The following SENP6 variants were observed in gnomAD, a reference collection of about 807,000 sequenced individuals.
SENP6 encodes sentrin-specific protease 6.
A neutral mutation model predicts 134.5 loss-of-function variants in SENP6; 41 were observed. The observed-to-expected ratio is 0.30, with a 90% CI of 0.24 to 0.40. SENP6 has a LOEUF of 0.40. Ranked by LOEUF, SENP6 falls within the 10% of genes least tolerant of loss-of-function variation. The pLI, the probability that SENP6 is intolerant of heterozygous loss-of-function variation, is 1.00. For missense variants in SENP6, 1,248 were observed against 1,312.5 expected, an observed-to-expected ratio of 0.95 and a Z score of 0.76; for synonymous variants, 395 against 429.8, an observed-to-expected ratio of 0.92 and a Z score of 1.00.
At chr6:75,622,602 G>T (rs1768360707) in intron 2 of SENP6, 3 of 343,384 alleles carry the variant, frequency 8.7e-6, no homozygotes, top group Non-Finnish European at 1.7e-5. Flanking sequence ...TTAGTTTTTT[G>T]ATTTATTGAT....
At chr6:75,639,560 C>T (rs969605022) in intron 5 of SENP6, among the ~76,000 whole-genome samples, 16 of 151,926 alleles carry the variant, frequency 1.1e-4, no homozygotes. Context: ...CAGTTAGTTC[C>T]AAATATTTCA....
intron 3 of SENP6, among the ~76,000 whole-genome samples, chr6:75,633,267 A>AG (rs1482352844): frequency 6.6e-6 from 1 of 152,206 alleles, no homozygotes; most frequent in Non-Finnish European, 1.5e-5. Context: ...CCTGATAAGC[A>AG]GGGGAAATGC....
Position 75,688,477 on chromosome 6 carries a change from G to A in SENP6, c.2076-7327G>A, listed in dbSNP as rs144365000. Among the ~76,000 whole-genome samples, 647 of 152,250 alleles carry A rather than the reference G, an allele frequency of 4.2e-3. 3 individuals are homozygous for A. The highest frequency in any genetic ancestry group is 0.015 in the African/African-American group (618 of 41,540). On this transcript the variant is annotated intron_variant, in intron 16 of 23. Coordinates refer to ENST00000447266, the MANE Select transcript of SENP6 (RefSeq NM_015571.4). ...GCAGAAATCACCCATCTTCTGCATCGGTCATGCTGAGAGCTGCAGACCGGA... is the reference window on the plus strand; with the variant it reads ...GCAGAAATCACCCATCTTCTGCATCAGTCATGCTGAGAGCTGCAGACCGGA...
intron 11 of SENP6, among the ~76,000 whole-genome samples, chr6:75,673,839 G>A (rs569057249): frequency 3.3e-5 from 5 of 151,816 alleles, no homozygotes; most frequent in East Asian, 3.9e-4. Context: ...TGGTCAACAT[G>A]GTAAAACCCC....
At chr6:75,655,582 T>C (rs1235104658) in intron 7 of SENP6, among the ~76,000 whole-genome samples, 2 of 152,220 alleles carry the variant, frequency 1.3e-5, no homozygotes, top group African/African-American at 4.8e-5. Context: ...TGAGGCTTCT[T>C]TCATTCAGGA....
chr6:75,707,889 A>G (rs1775510696), intron 19 of SENP6, among the ~76,000 whole-genome samples: 3 of 151,514 alleles, frequency 2.0e-5, no homozygotes, highest in South Asian at 2.1e-4. Context: ...GGGTCTCACT[A>G]TGTTGCCCAG....
At chr6:75,687,076 T>C (rs1773894535) in intron 16 of SENP6, among the ~76,000 whole-genome samples, 1 of 152,234 alleles carries the variant, frequency 6.6e-6, no homozygotes, top group Non-Finnish European at 1.5e-5. Context: ...CCCATATTTC[T>C]TGGAGGCTTT....
chr6:75,645,080 A>G (rs540447231), intron 6 of SENP6, among the ~76,000 whole-genome samples: 41 of 152,310 alleles, frequency 2.7e-4, no homozygotes, highest in African/African-American at 8.7e-4. Flanking sequence ...AACAGCTTGT[A>G]AAAATCTTGG....
At chr6:75,709,323 T>C (rs1404644292) in intron 19 of SENP6, among the ~76,000 whole-genome samples, 1 of 152,196 alleles carries the variant, frequency 6.6e-6, no homozygotes, top group Admixed American at 6.5e-5. Context: ...TTTTAGCATC[T>C]GGGTAGTGGA....
intron 1 of SENP6, among the ~76,000 whole-genome samples, chr6:75,609,336 T>A (rs1382108959): frequency 6.6e-6 from 1 of 152,242 alleles, no homozygotes; most frequent in Non-Finnish European, 1.5e-5. Context: ...TATTTATTGA[T>A]GAAGCAGCAC....
chr6:75,680,532 A>C (rs989420561), intron 16 of SENP6, among the ~76,000 whole-genome samples: 3 of 152,206 alleles, frequency 2.0e-5, no homozygotes, highest in African/African-American at 7.2e-5. Flanking sequence ...CCCATGAATA[A>C]TTTCCAAAGC....
chr6:75,681,122 G>C (rs1001304223), intron 16 of SENP6, among the ~76,000 whole-genome samples: 3 of 152,196 alleles, frequency 2.0e-5, no homozygotes, highest in Non-Finnish European at 4.4e-5. Context: ...GTTGAGGTTT[G>C]TGTCCCCGCC....
chr6:75,606,375 T>G (rs1767027742), intron 1 of SENP6, among the ~76,000 whole-genome samples: 1 of 152,208 alleles, frequency 6.6e-6, no homozygotes, highest in African/African-American at 2.4e-5. Flanking sequence ...CTGTTGCTCA[T>G]AACCCCTTTT....
rs138500793 is a variant in SENP6, at chr6:75,633,607, T to C, written c.234T>C (p.Ala78=). ...TAAATCGTCGATCTGAAATTGTTGC[T>C]AATAGCTCTGGTGAATTCATCTTGA... ...KKLNRRSEIV[A]NSSGEFILKT... The change falls in exon 4 of 24, where the codon GCT becomes GCC. Residue 78 remains alanine (A), a synonymous_variant. Transcript: ENST00000447266. The C allele has an allele frequency of 1.2e-5, 19 of 1,600,942 alleles. No individual in the cohort carries two copies. Among genetic ancestry groups the C allele is most frequent in the East Asian group, 9.0e-5 (4 of 44,646 alleles).
Position 75,695,872 on chromosome 6 carries a change from A to G in SENP6, c.2144A>G (p.Tyr715Cys). 4 of 1,607,816 alleles carry G rather than the reference A, an allele frequency of 2.5e-6. No homozygotes were observed. The highest frequency in any genetic ancestry group is 2.5e-6 in the Non-Finnish European group (3 of 1,177,458). The change falls in exon 17 of 24, where the codon TAT (tyrosine) becomes TGT (cysteine). Residue 715 changes from tyrosine to cysteine, a missense_variant. Transcript: ENST00000447266. ...ATTCATATATTCAGTTCTTTTTTCT[A>G]TAAACGCCTTAATCAGAGAGAGAGG... ...DRIHIFSSFF[Y>C]KRLNQRERRN... is the part of the protein sequence containing the mutation.
At chr6:75,642,506 G>A (rs929372691) in intron 6 of SENP6, among the ~76,000 whole-genome samples, 1 of 152,182 alleles carries the variant, frequency 6.6e-6, no homozygotes, top group African/African-American at 2.4e-5. Context: ...ATCCAGGAAT[G>A]AGTTTGGCAT....
intron 16 of SENP6, among the ~76,000 whole-genome samples, chr6:75,690,190 C>T (rs1774140607): frequency 6.6e-6 from 1 of 152,200 alleles, no homozygotes; most frequent in African/African-American, 2.4e-5. Context: ...GGATTACAGG[C>T]ATAAGCCACT....
intron 16 of SENP6, among the ~76,000 whole-genome samples, chr6:75,693,985 G>A (rs986145686): frequency 1.3e-5 from 2 of 152,144 alleles, no homozygotes; most frequent in African/African-American, 2.4e-5. Context: ...GGCCAGGCAC[G>A]GTGGCTCACG....
chr6:75,608,521 A>G (rs1767199537), intron 1 of SENP6, among the ~76,000 whole-genome samples: 1 of 152,050 alleles, frequency 6.6e-6, no homozygotes, highest in Non-Finnish European at 1.5e-5. Context: ...AAGGAAAGAA[A>G]GAAGGAAAGA....
Sources: allele counts gnomAD v4.1 joint callset (sites outside exome capture counted in the v4.1 genomes callset), GRCh38; gene constraint gnomAD v4.1.1; transcripts MANE v1.5; gene names NCBI Gene and HGNC (gene_info 2026-07-23, HGNC 2026-07-21).